The following CDH12 variants were observed in gnomAD, a reference collection of about 807,000 sequenced individuals.
The protein encoded by CDH12 is cadherin-12.
CDH12 carries 41 observed loss-of-function variants against 74.1 expected under a neutral mutation model. The observed-to-expected ratio is 0.55, with a 90% CI of 0.43 to 0.72. The LOEUF is 0.72. Ranked by LOEUF, CDH12 falls within the 30% of genes least tolerant of loss-of-function variation. The probability of loss-of-function intolerance (pLI) is 0.00; values close to 1 mark genes in which losing one functional copy is unlikely to be tolerated. For synonymous variants in CDH12, 399 were observed against 355.0 expected (o/e 1.12, Z -1.39); for missense variants, 945 against 977.2 (o/e 0.97, Z 0.44).
intron 1 of CDH12, among the ~76,000 whole-genome samples, chr5:22,717,875 G>T (rs1743660827): frequency 6.6e-6 from 1 of 152,004 alleles, no homozygotes; most frequent in East Asian, 1.9e-4. Flanking sequence ...CAGACCTTGT[G>T]TCCTGATCTT....
chr5:22,309,653 A>G (rs1052181974), intron 3 of CDH12, among the ~76,000 whole-genome samples: 1 of 152,068 alleles, frequency 6.6e-6, no homozygotes, highest in Admixed American at 6.6e-5. Context: ...ACCATACAAT[A>G]TCATTAACTA....
At chr5:22,541,984 AC>A (rs1478171750) in intron 1 of CDH12, among the ~76,000 whole-genome samples, 7 of 152,344 alleles carry the variant, frequency 4.6e-5, no homozygotes, top group African/African-American at 1.7e-4. Context: ...TGTTAGGGCT[AC>A]AAAGCCAATA....
At chr5:21,987,883 C>T (rs1757581233) in intron 5 of CDH12, among the ~76,000 whole-genome samples, 1 of 151,608 alleles carries the variant, frequency 6.6e-6, no homozygotes, top group South Asian at 2.1e-4. Context: ...TTTTATTTAC[C>T]ATCTTTTCTC....
intron 4 of CDH12, among the ~76,000 whole-genome samples, chr5:22,173,790 A>G (rs543643962): frequency 3.7e-4 from 56 of 152,020 alleles, no homozygotes; most frequent in African/African-American, 1.2e-3. Flanking sequence ...CGATGTTACC[A>G]TAATTTTTTG....
At chr5:22,338,965 C>G (rs1739722200) in intron 3 of CDH12, among the ~76,000 whole-genome samples, 1 of 152,102 alleles carries the variant, frequency 6.6e-6, no homozygotes, top group Non-Finnish European at 1.5e-5. Context: ...AGTCCTATTA[C>G]TGCAAAGAAC....
At chr5:22,000,871 A>C (rs1372370546) in intron 5 of CDH12, among the ~76,000 whole-genome samples, 1 of 152,154 alleles carries the variant, frequency 6.6e-6, no homozygotes, top group Non-Finnish European at 1.5e-5. Context: ...TATCATATCT[A>C]TTAAAATCAA....
intron 13 of CDH12, among the ~76,000 whole-genome samples, 157 bp downstream of exon 13, chr5:21,760,401 A>G (rs1744651095): frequency 6.6e-6 from 1 of 152,160 alleles, no homozygotes; most frequent in Non-Finnish European, 1.5e-5. Context: ...TAGATTAAAT[A>G]TTTAATTTAC....
chr5:22,493,552 T>C (rs1424929836), intron 2 of CDH12, among the ~76,000 whole-genome samples: 2 of 138,240 alleles, frequency 1.4e-5, no homozygotes. Context: ...ATTTCAAAAA[T>C]AGTTTTTTTG....
At chr5:22,791,705 T>G (rs115029320) in intron 1 of CDH12, among the ~76,000 whole-genome samples, 4,162 of 152,192 alleles carry the variant, frequency 0.027, 178 homozygotes, top group African/African-American at 0.095. Flanking sequence ...TTACAATCAT[T>G]GCAAAGGTGA....
chr5:21,842,520 A>C (rs1475429856), intron 7 of CDH12, among the ~76,000 whole-genome samples, 192 bp from the exon 8 acceptor site: 6 of 152,190 alleles, frequency 3.9e-5, no homozygotes, highest in Non-Finnish European at 4.4e-5. Flanking sequence ...ATATTATAGT[A>C]GCTACACAAC....
intron 3 of CDH12, among the ~76,000 whole-genome samples, chr5:22,349,123 G>C (rs1282760513): frequency 6.6e-6 from 1 of 152,114 alleles, no homozygotes; most frequent in African/African-American, 2.4e-5. Context: ...CACAGAGAAG[G>C]CATCACCTAT....
chr5:22,704,646 A>G (rs867849771), intron 1 of CDH12, among the ~76,000 whole-genome samples: 5 of 152,132 alleles, frequency 3.3e-5, no homozygotes, highest in African/African-American at 1.2e-4. Flanking sequence ...GAACTACCTA[A>G]ACTGACGGGG....
chr5:22,129,665 G>A (rs1375296168), intron 4 of CDH12, among the ~76,000 whole-genome samples: 1 of 152,180 alleles, frequency 6.6e-6, no homozygotes, highest in East Asian at 1.9e-4. Flanking sequence ...GCTTTTCAGT[G>A]CTCCAGCTTT....
chr5:21,913,530 G>T (rs1414689304), intron 6 of CDH12, among the ~76,000 whole-genome samples: 1 of 152,020 alleles, frequency 6.6e-6, no homozygotes, highest in East Asian at 1.9e-4. Context: ...CATATGTTTT[G>T]TGCAGAATCA....
intron 6 of CDH12, among the ~76,000 whole-genome samples, chr5:21,864,079 A>G (rs761588034): frequency 2.0e-5 from 3 of 152,070 alleles, no homozygotes; most frequent in Non-Finnish European, 2.9e-5. Flanking sequence ...TGTACATTCT[A>G]TTATATAAAA....
At chr5:21,882,879 C>G in intron 6 of CDH12, 1 of 1,600,672 alleles carries the variant, frequency 6.2e-7, no homozygotes. Flanking sequence ...TGGAGCTAAA[C>G]TTGTTCAAGA....
chr5:21,768,495 A>C (rs1745148136), intron 11 of CDH12, among the ~76,000 whole-genome samples: 1 of 152,018 alleles, frequency 6.6e-6, no homozygotes, highest in African/African-American at 2.4e-5. Context: ...AATGAAATAG[A>C]AAATGATAAA....
intron 1 of CDH12, among the ~76,000 whole-genome samples, chr5:22,512,217 A>G (rs1736642251): frequency 6.6e-6 from 1 of 152,198 alleles, no homozygotes; most frequent in Non-Finnish European, 1.5e-5. Context: ...ATATTAAGTG[A>G]AGGCTGTTAG....
chr5:22,366,476 G>T (rs1227330143), intron 3 of CDH12, among the ~76,000 whole-genome samples: 2 of 151,934 alleles, frequency 1.3e-5, no homozygotes, highest in Non-Finnish European at 2.9e-5. Context: ...TCTTGATTAC[G>T]TACTGCCAAC....
Sources: gnomAD v4.1 joint callset for allele counts (sites outside exome capture counted in the v4.1 genomes callset) on GRCh38, gnomAD v4.1.1 for gene constraint, MANE v1.5 for transcripts, NCBI Gene and HGNC (gene_info 2026-07-23, HGNC 2026-07-21) for gene names.